ZKSCAN3: variants seen among roughly 807,000 people sequenced by gnomAD.
ZKSCAN3 encodes the protein zinc finger with KRAB and SCAN domains 3.
A neutral mutation model predicts 30.7 loss-of-function variants in ZKSCAN3; 21 were observed. The ratio of observed to expected loss-of-function variants is 0.68; its 90% confidence interval spans 0.49 to 0.99. The LOEUF is 0.99. Among genes scored for constraint, ZKSCAN3 ranks in the 50% least tolerant of loss-of-function variants. The pLI is 0.00. For missense variants in ZKSCAN3, 507 were observed against 647.1 expected, an observed-to-expected ratio of 0.78 and a Z score of 2.35; for synonymous variants, 201 against 246.7, an observed-to-expected ratio of 0.81 and a Z score of 1.73.
At chr6:28,360,665 C>CT in intron 2 of ZKSCAN3, 1 of 985,368 alleles carries the variant, frequency 1.0e-6, no homozygotes, top group African/African-American at 1.7e-5. Flanking sequence ...ACCTGTGTGG[C>CT]CAGAGCCTTC....
intron 1 of ZKSCAN3, among the ~76,000 whole-genome samples, chr6:28,356,502 G>T (rs1391539691): frequency 6.6e-6 from 1 of 152,170 alleles, no homozygotes. Context: ...AACTCAGTGG[G>T]GGGTACAAGC....
Position 28,357,037 on chromosome 6 carries a change from C to G in ZKSCAN3, c.-62-2488C>G, listed in dbSNP as rs1039828150. Among the ~76,000 whole-genome samples the G allele has an allele frequency of 5.3e-5, 8 of 152,220 alleles. No individual in the cohort carries two copies. In the East Asian group the frequency reaches 7.7e-4, roughly 15 times the overall value. On this transcript the variant is annotated intron_variant, in intron 1 of 5. Coordinates refer to ENST00000252211, the MANE Select transcript of ZKSCAN3 (RefSeq NM_024493.4). ...CAGGTAGATGGGACATGGCTTTACT[C>G]AGCAGCTCTTTCACAGTGTCAGTGC...
intron 3 of ZKSCAN3, among the ~76,000 whole-genome samples, chr6:28,361,868 G>A (rs1374845122): frequency 2.0e-5 from 3 of 151,528 alleles, no homozygotes; most frequent in Non-Finnish European, 4.4e-5. Flanking sequence ...CCTCTGGATC[G>A]CTCACTGCAG....
In ZKSCAN3 at chr6:28,363,896, G is replaced by A. The variant is rs532786243; in HGVS notation, c.757+81G>A. ...AGAACCTGTTGAGCTATTGGAAGCT[G>A]TTGAGCCCTGTTATGTTTGGATTCA... On this transcript the variant is annotated intron_variant, in intron 5 of 5. Coordinates refer to ENST00000252211, the MANE Select transcript of ZKSCAN3 (RefSeq NM_024493.4). The A allele has an allele frequency of 2.6e-6, 4 of 1,539,032 alleles. No homozygotes were observed. In the East Asian group the frequency reaches 7.0e-5, roughly 27 times the overall value.
rs1766027924 is a variant in ZKSCAN3, at chr6:28,367,818, C to T, written c.*1533C>T. ...CACTGCAAGCTCCGCCTCCCAGGTT[C>T]CTGCCATTCTCCTGCCTCAGCCTCC... On this transcript the variant is annotated 3_prime_UTR_variant, in exon 6 of 6. Coordinates refer to ENST00000252211, the MANE Select transcript of ZKSCAN3 (RefSeq NM_024493.4). 6.6e-6 allele frequency: 1 copy of T among 151,796 alleles called. No homozygotes were observed. Among genetic ancestry groups the T allele is most frequent in the Non-Finnish European group, 1.5e-5 (1 of 67,988 alleles). The allele number at this position is 151,796 out of a possible 1,614,324, so 9.4% of individuals were successfully genotyped here. A position where few individuals can be genotyped will look rare whatever the true frequency, so the allele number is the denominator to read the frequency against.
intron 1 of ZKSCAN3, chr6:28,353,749 G>T: frequency 2.2e-6 from 1 of 445,822 alleles, no homozygotes; most frequent in Non-Finnish European, 4.5e-6. Context: ...TTCTGGGGAA[G>T]ACTGTGGATA....
rs972950973 is a variant in ZKSCAN3, at chr6:28,366,593, T to G, written c.*308T>G. 1 of 219,436 alleles carries G rather than the reference T, an allele frequency of 4.6e-6. No individual in the cohort carries two copies. Among genetic ancestry groups the G allele is most frequent in the South Asian group, 1.5e-4 (1 of 6,758 alleles). 13.6% of individuals were successfully genotyped at this position (219,436 alleles called of 1,614,324 possible). On this transcript the variant is annotated 3_prime_UTR_variant, in exon 6 of 6. Coordinates refer to ENST00000252211, the MANE Select transcript of ZKSCAN3 (RefSeq NM_024493.4). The stretch of plus-strand genomic sequence containing the variant: ...CTACTTGCCCTAAACCAGCACTTGG[T>G]GATGTCTACTGGGTGGATGGTTGTG...
chr6:28,352,638 G>A (rs1376117356), intron 1 of ZKSCAN3, among the ~76,000 whole-genome samples: 1 of 152,184 alleles, frequency 6.6e-6, no homozygotes, highest in East Asian at 1.9e-4. Context: ...AGCCTTTAAT[G>A]TAATTTGCTC....
chr6:28,349,892 G>A (rs989750007), upstream of ZKSCAN3: 1 of 152,252 alleles, frequency 6.6e-6, no homozygotes, highest in Non-Finnish European at 1.5e-5. This position sits in a 1 kb window ranked among gnomAD's most constrained non-coding sequence, Gnocchi z 4.1. Context: ...GTCTGTCAGG[G>A]AGGTGGCTAG....
intron 5 of ZKSCAN3, among the ~76,000 whole-genome samples, chr6:28,364,447 A>T (rs1765880621): frequency 6.6e-6 from 1 of 152,222 alleles, no homozygotes; most frequent in Admixed American, 6.5e-5. Context: ...GAAAGCTGGG[A>T]GGCCTCTTCA....
intron 2 of ZKSCAN3, chr6:28,360,218 G>C: frequency 1.4e-6 from 1 of 720,506 alleles, no homozygotes; most frequent in Non-Finnish European, 2.2e-6. Flanking sequence ...TCAACATACA[G>C]TTTGCAAAGT....
At chr6:28,350,843 G>A (rs1007220475) in intron 1 of ZKSCAN3, among the ~76,000 whole-genome samples, 1 of 152,172 alleles carries the variant, frequency 6.6e-6, no homozygotes, top group Non-Finnish European at 1.5e-5. Context: ...GTTGGACGTT[G>A]TGATACTCAA....
intron 1 of ZKSCAN3, among the ~76,000 whole-genome samples, chr6:28,356,452 C>T (rs1350080334): frequency 6.6e-6 from 1 of 151,566 alleles, no homozygotes; most frequent in African/African-American, 2.4e-5. Flanking sequence ...GGCAGGGAGT[C>T]TCCCCCAAAT....
Position 28,366,834 on chromosome 6 carries a change from C to G in ZKSCAN3, c.*549C>G, listed in dbSNP as rs1343060252. On this transcript the variant is annotated 3_prime_UTR_variant, in exon 6 of 6. Transcript: ENST00000252211. ...TCGCCAAGGCCATTTGTGCTTGTGT[C>G]CAATTCTCTGACCTAGATTGTGACT... The G allele has an allele frequency of 6.6e-6, 1 of 152,566 alleles. No individual in the cohort carries two copies. Among genetic ancestry groups the G allele is most frequent in the Non-Finnish European group, 1.5e-5 (1 of 68,150 alleles). 9.5% of individuals were successfully genotyped at this position (152,566 alleles called of 1,614,324 possible). A position where few individuals can be genotyped will look rare whatever the true frequency, so the allele number is the denominator to read the frequency against.
rs1766087047 is a variant in ZKSCAN3 at position 28,369,125 on chromosome 6, C to G, written c.*2840C>G. ...CTAGGGGACACAAATCTAACAAATC[C>G]TAATGTATATTATTTGTATTATAGT... On this transcript the variant is annotated 3_prime_UTR_variant, in exon 6 of 6. Coordinates refer to ENST00000252211, the MANE Select transcript of ZKSCAN3 (RefSeq NM_024493.4). This position sits in a 1 kb window ranked among gnomAD's most constrained non-coding sequence, Gnocchi z 4.1. The G allele has an allele frequency of 6.6e-6, 1 of 151,960 alleles. No homozygotes were observed. Among genetic ancestry groups the G allele is most frequent in the African/African-American group, 2.4e-5 (1 of 41,386 alleles). 9.4% of individuals were successfully genotyped at this position (151,960 alleles called of 1,614,324 possible).
intron 2 of ZKSCAN3, chr6:28,360,514 A>G (rs1765706634): frequency 1.1e-6 from 1 of 932,846 alleles, no homozygotes; most frequent in South Asian, 4.9e-5. Context: ...TTCATGGACT[A>G]CGTGGGAAGG....
chr6:28,358,899 G>A (rs1320425919), intron 1 of ZKSCAN3, among the ~76,000 whole-genome samples: 311 of 106,004 alleles, frequency 2.9e-3, no homozygotes, highest in Middle Eastern at 5.3e-3. Context: ...AAACAAATAA[G>A]AAAAAAAAAA....
chr6:28,360,877 G>T (rs544239649), intron 2 of ZKSCAN3, among the ~76,000 whole-genome samples: 1 of 152,152 alleles, frequency 6.6e-6, no homozygotes, highest in Non-Finnish European at 1.5e-5. Context: ...CATACATATC[G>T]TATGCCAGGC....
intron 1 of ZKSCAN3, among the ~76,000 whole-genome samples, chr6:28,358,899 G>GAAAAAAAAAAAAAAAAAAAAAAAAAAA (rs201554097): frequency 9.4e-6 from 1 of 106,076 alleles, no homozygotes; most frequent in African/African-American, 3.3e-5. Flanking sequence ...AAACAAATAA[G>GAAAAAAAAAAAAAAAAAAAAAAAAAAA]AAAAAAAAAA....
Sources: gnomAD v4.1 joint callset for allele counts (sites outside exome capture counted in the v4.1 genomes callset) on GRCh38, gnomAD v4.1.1 for gene constraint, Gnocchi (gnomAD v3.1) non-coding constraint, MANE v1.5 for transcripts, NCBI Gene and HGNC (gene_info 2026-07-23, HGNC 2026-07-21) for gene names.